FBN1: variants seen among roughly 807,000 people sequenced by gnomAD.
FBN1 encodes fibrillin-1.
Under a neutral mutation model 365.1 loss-of-function variants are expected in FBN1, and 29 were observed. The observed-to-expected ratio is 0.08, with a 90% confidence interval of 0.06 to 0.11. The LOEUF (loss-of-function observed/expected upper bound fraction) is 0.11, where lower values mean the gene tolerates loss of function less well. Ranked by LOEUF, FBN1 falls within the 10% of genes least tolerant of loss-of-function variation. FBN1 has a pLI of 1.00. For synonymous variants in FBN1, 1,210 were observed against 1,270.5 expected, an observed-to-expected ratio of 0.95 and a Z score of 1.01; for missense variants, 2,476 against 3,703.2, an observed-to-expected ratio of 0.67 and a Z score of 8.60.
At chr15:48,495,296 A>G (rs1295766945) in intron 21 of FBN1, 36 bp from the exon 22 acceptor site, 1 of 1,610,274 alleles carries the variant, frequency 6.2e-7, no homozygotes, top group Admixed American at 1.7e-5. Context: ...TAGAATCTAT[A>G]TAAAAATTCA....
intron 3 of FBN1, among the ~76,000 whole-genome samples, chr15:48,611,886 CA>C (rs2044659763): frequency 6.6e-6 from 1 of 152,156 alleles, no homozygotes; most frequent in Non-Finnish European, 1.5e-5. Context: ...ACATGATATG[CA>C]AGGCTAAAAG....
At chr15:48,499,817 C>T (rs1029808296) in intron 17 of FBN1, among the ~76,000 whole-genome samples, 3 of 152,034 alleles carry the variant, frequency 2.0e-5, no homozygotes, top group Non-Finnish European at 4.4e-5. Flanking sequence ...AACTAGTGTC[C>T]CCTTAAGTTG....
Position 48,495,248 on chromosome 15 carries a change from C to G in FBN1, c.2552G>C (p.Gly851Ala). The change falls in exon 22 of 66, where the codon GGC becomes GCC. Residue 851 changes from glycine to alanine, a missense_variant. By Grantham distance (60) the Gly-to-Ala change is moderately conservative. Transcript: ENST00000316623. ...ATCAATGACAGTCTGCCAGCAAGTG[C>G]CCTTGATGGTTTCTGCAGAGGAGGG... is the stretch of plus-strand genomic sequence containing the variant. ...TKTICIETIK[G>A]TCWQTVIDGR... 1.2e-6 allele frequency: 2 copies of G among 1,614,016 alleles called. No individual in the cohort carries two copies. The highest frequency in any genetic ancestry group is 2.7e-5 in the African/African-American group (2 of 75,002).
At chr15:48,452,346 G>C (rs2043207716) in intron 45 of FBN1, among the ~76,000 whole-genome samples, 1 of 152,180 alleles carries the variant, frequency 6.6e-6, no homozygotes, top group Non-Finnish European at 1.5e-5. Context: ...TTCTTGTTTT[G>C]AAAATATCTC....
chr15:48,411,357 T>G lies in FBN1; in HGVS notation c.8249A>C (p.Asn2750Thr), dbSNP rs763816801. ...AACATCCCAACTTGCAAGACTCACATTGGCTTCTGTCTCAGACTGATCCTG... is the reference window on the plus strand; with the variant it reads ...AACATCCCAACTTGCAAGACTCACAGTGGCTTCTGTCTCAGACTGATCCTG... The part of the protein sequence containing the change: ...NIEDQSETEA[N>T]VSLASWDVEK... Residue 2750 changes from asparagine to threonine, a missense_variant, in exon 66 of 66, where the codon AAT becomes ACT. By Grantham distance (65) the Asn-to-Thr change is moderately conservative. Transcript: ENST00000316623. 1 of 1,614,074 alleles carries G rather than the reference T, an allele frequency of 6.2e-7. No individual in the cohort carries two copies. The highest frequency in any genetic ancestry group is 1.3e-5 in the African/African-American group (1 of 75,054).
intron 57 of FBN1, 147 bp downstream of exon 57, chr15:48,428,199 C>T (rs1299382888): frequency 2.0e-6 from 2 of 1,005,484 alleles, no homozygotes; most frequent in Non-Finnish European, 3.1e-6. Flanking sequence ...TGGACAATCA[C>T]AGTCATTACG....
Position 48,472,532 on chromosome 15 carries a change from T to TTGTGAA in FBN1, c.4336+18_4336+19insTTCACA. The TTGTGAA allele has an allele frequency of 6.2e-7, 1 of 1,612,216 alleles. No individual in the cohort carries two copies. Among genetic ancestry groups the TTGTGAA allele is most frequent in the South Asian group, 1.1e-5 (1 of 91,006 alleles). The stretch of plus-strand genomic sequence containing the variant: ...TCATCAAGCCCAGCAAGGCTCCCAG[T>TTGTGAA]GGCTTCCCCATCAGTTACCTTCACA... On this transcript the variant is annotated intron_variant, in intron 35 of 65. Transcript: ENST00000316623.
chr15:48,470,080 C>T (rs1469743501), intron 36 of FBN1, among the ~76,000 whole-genome samples: 2 of 152,008 alleles, frequency 1.3e-5, no homozygotes, highest in African/African-American at 4.8e-5. Context: ...CAAAGAGAAC[C>T]GAGTGTCAGT....
At chr15:48,462,302 T>C (rs1017890966) in intron 42 of FBN1, among the ~76,000 whole-genome samples, 4 of 152,174 alleles carry the variant, frequency 2.6e-5, no homozygotes, top group Non-Finnish European at 5.9e-5. Flanking sequence ...CCATATGATA[T>C]AAGAACAGTA....
At chr15:48,490,332 C>A (rs892496985) in intron 24 of FBN1, among the ~76,000 whole-genome samples, 1 of 152,192 alleles carries the variant, frequency 6.6e-6, no homozygotes, top group Non-Finnish European at 1.5e-5. Flanking sequence ...GATAATTCTA[C>A]ATAAGGAATG....
intron 40 of FBN1, among the ~76,000 whole-genome samples, chr15:48,464,810 C>T (rs1278512960): frequency 1.3e-5 from 2 of 152,176 alleles, no homozygotes; most frequent in East Asian, 1.9e-4. Context: ...ACATCCTCTC[C>T]CCACTTCCAA....
At chr15:48,462,339 ATGCAATT>A (rs2043285574) in intron 42 of FBN1, among the ~76,000 whole-genome samples, 1 of 114,758 alleles carries the variant, frequency 8.7e-6, no homozygotes, top group Non-Finnish European at 2.0e-5. Flanking sequence ...TATTCAAAGG[ATGCAATT>A]TAGCCTTTTT....
intron 64 of FBN1, among the ~76,000 whole-genome samples, chr15:48,415,077 A>C (rs1223632636): frequency 6.6e-6 from 1 of 152,160 alleles, no homozygotes; most frequent in Non-Finnish European, 1.5e-5. Flanking sequence ...TAAAACCCTA[A>C]ATAATTTTCA....
chr15:48,554,451 A>T (rs2141376844), intron 6 of FBN1, among the ~76,000 whole-genome samples: 1 of 152,286 alleles, frequency 6.6e-6, no homozygotes, highest in East Asian at 1.9e-4. Flanking sequence ...AATTATCCCA[A>T]TTTTGTTTTT....
In FBN1 at chr15:48,483,873, G is replaced by A; in HGVS notation, c.3783C>T (p.Tyr1261=). The part of the protein sequence containing the change: ...GGQCTNIPGE[Y]RCLCYDGFMA... ...TGAATCCATCATAACACAAGCACCT[G>A]TACTCTCCAGGGATATTTGTGCACT... The change falls in exon 31 of 66, where the codon TAC becomes TAT. Residue 1261 remains tyrosine, a synonymous_variant. Coordinates refer to ENST00000316623, the MANE Select transcript of FBN1 (RefSeq NM_000138.5). 3 of 1,613,670 alleles carry A rather than the reference G, an allele frequency of 1.9e-6. No homozygotes were observed. The highest frequency in any genetic ancestry group is 1.7e-6 in the Non-Finnish European group (2 of 1,179,936).
intron 13 of FBN1, among the ~76,000 whole-genome samples, chr15:48,510,968 A>T (rs1425063278): frequency 1.3e-5 from 2 of 152,224 alleles, no homozygotes; most frequent in Admixed American, 1.3e-4. Context: ...AACATCAAAG[A>T]GGATGAACAC....
intron 9 of FBN1, among the ~76,000 whole-genome samples, chr15:48,523,260 T>C (rs1422709858): frequency 6.6e-6 from 1 of 152,244 alleles, no homozygotes; most frequent in East Asian, 1.9e-4. Context: ...GCATGGGCTA[T>C]CTTTCAGAGC....
At chr15:48,464,932 A>G (rs913525145) in intron 40 of FBN1, among the ~76,000 whole-genome samples, 3 of 152,230 alleles carry the variant, frequency 2.0e-5, no homozygotes, top group Non-Finnish European at 2.9e-5. Context: ...GGGTGACCTA[A>G]TAAGCCATTA....
intron 9 of FBN1, among the ~76,000 whole-genome samples, chr15:48,524,868 C>T (rs555582934): frequency 2.0e-5 from 3 of 152,270 alleles, no homozygotes; most frequent in Admixed American, 2.0e-4. Context: ...CCTTCCATTC[C>T]TCCTTTGTAA....
Sources: gnomAD v4.1 joint callset for allele counts (sites outside exome capture counted in the v4.1 genomes callset) on GRCh38, gnomAD v4.1.1 for gene constraint, MANE v1.5 for transcripts, NCBI Gene and HGNC (gene_info 2026-07-23, HGNC 2026-07-21) for gene names.